Variants in RBMS1 observed in about 807,000 individuals in gnomAD.
RBMS1 encodes the protein RNA binding motif single stranded interacting protein 1.
Under a neutral mutation model 62.3 loss-of-function variants are expected in RBMS1, and 17 were observed. That is an observed-to-expected ratio of 0.27 (90% confidence interval 0.19 to 0.41). The LOEUF is 0.41. RBMS1 is among the 10% of genes least tolerant of loss of function. The probability of loss-of-function intolerance (pLI) is 1.00; values close to 1 mark genes in which losing one functional copy is unlikely to be tolerated. For synonymous variants in RBMS1, 172 were observed against 170.0 expected (o/e 1.01, Z -0.09); for missense variants, 334 against 504.5 (o/e 0.66, Z 3.24).
chr2:160,433,832 A>C (rs563370792), intron 1 of RBMS1, among the ~76,000 whole-genome samples: 1 of 152,364 alleles, frequency 6.6e-6, no homozygotes, highest in African/African-American at 2.4e-5. Context: ...TTTAATATCA[A>C]TCTTTCAACA....
Position 160,286,412 on chromosome 2 carries a change from C to T in RBMS1, c.756+557G>A, listed in dbSNP as rs932990870. On this transcript the variant is annotated intron_variant, in intron 7 of 13. Transcript: ENST00000348849. ...TTGGAACACTGCAGCCTCTGCCTCC[C>T]GGGCTGCAGCGATTCTCCTGCCTCA... Among the ~76,000 whole-genome samples the T allele has an allele frequency of 4.0e-5, 6 of 150,618 alleles. 1 individual carries two copies. Among genetic ancestry groups the T allele is most frequent in the Admixed American group, 2.0e-4 (3 of 15,164 alleles).
intron 2 of RBMS1, among the ~76,000 whole-genome samples, chr2:160,337,022 G>GGT (rs1691609996): frequency 6.6e-6 from 1 of 152,030 alleles, no homozygotes; most frequent in Non-Finnish European, 1.5e-5. Context: ...TCTAACCCTG[G>GGT]GTCTCAGGGA....
chr2:160,341,383 C>A (rs1212189080), intron 2 of RBMS1, among the ~76,000 whole-genome samples: 3 of 152,094 alleles, frequency 2.0e-5, no homozygotes, highest in Non-Finnish European at 4.4e-5. Flanking sequence ...TCTCACTGTT[C>A]CTGCAGGGTG....
chr2:160,326,938 A>T (rs55853206), intron 2 of RBMS1, among the ~76,000 whole-genome samples: 53,896 of 152,030 alleles, frequency 0.35, 9,811 homozygotes, highest in East Asian at 0.53. Context: ...CACAAAGTTC[A>T]CTTTTCTGAA....
chr2:160,412,707 G>GGCGTGGGAAGCTC (rs1696081329), intron 1 of RBMS1, among the ~76,000 whole-genome samples: 1 of 152,220 alleles, frequency 6.6e-6, no homozygotes, highest in Non-Finnish European at 1.5e-5. Flanking sequence ...ATCAATATTG[G>GGCGTGGGAAGCTC]ATATAACATG....
rs1289147644 is a variant in RBMS1 at position 160,273,964 on chromosome 2, CATT to C, written c.*805_*807del. The C allele has an allele frequency of 1.3e-5, 2 of 152,650 alleles. No homozygotes were observed. The highest frequency in any genetic ancestry group is 2.9e-5 in the Non-Finnish European group (2 of 68,026). The allele number at this position is 152,650 out of a possible 1,614,324, so 9.5% of individuals were successfully genotyped here. On this transcript the variant is annotated 3_prime_UTR_variant, in exon 14 of 14. Coordinates refer to ENST00000348849, the MANE Select transcript of RBMS1 (RefSeq NM_016836.4). Reference sequence around the variant, plus strand: ...CCTTCTTGCATTTCACTACCTTACACATTATGTGAAAAATCATTAAAAACACCT... The same window carrying C: ...CCTTCTTGCATTTCACTACCTTACACATGTGAAAAATCATTAAAAACACCT...
intron 1 of RBMS1, among the ~76,000 whole-genome samples, chr2:160,491,344 T>C (rs1000085419): frequency 6.6e-6 from 1 of 152,234 alleles, no homozygotes; most frequent in Non-Finnish European, 1.5e-5. Flanking sequence ...ATTGTAGAAT[T>C]AGCAAAATGT....
At chr2:160,330,377 A>C (rs2105982496) in intron 2 of RBMS1, among the ~76,000 whole-genome samples, 1 of 152,290 alleles carries the variant, frequency 6.6e-6, no homozygotes, top group South Asian at 2.1e-4. Context: ...ACAATGACAT[A>C]AATCAGGTCA....
Position 160,493,402 on chromosome 2 carries a change from CTT to C in RBMS1, c.-41_-40del, listed in dbSNP as rs764393230. On this transcript the variant is annotated 5_prime_UTR_variant, in exon 1 of 14. Transcript: ENST00000348849. ...AGCCTGCCGTGCAGGGTCGCGGACA[CTT>C]TGGGGTTTCCAAGTCTCGGGCTCTC... is the stretch of plus-strand genomic sequence containing the variant. 2.9e-5 allele frequency: 46 copies of C among 1,601,074 alleles called. No homozygotes were observed. In the Admixed American group the frequency reaches 7.5e-4, roughly 26 times the overall value.
At chr2:160,408,158 C>G (rs1422271876) in intron 1 of RBMS1, among the ~76,000 whole-genome samples, 1 of 151,642 alleles carries the variant, frequency 6.6e-6, no homozygotes, top group Non-Finnish European at 1.5e-5. Context: ...AGTAGCCAAC[C>G]CCCCTCCTCT....
intron 1 of RBMS1, among the ~76,000 whole-genome samples, chr2:160,410,779 C>T (rs1284239735): frequency 6.6e-6 from 1 of 152,144 alleles, no homozygotes; most frequent in Non-Finnish European, 1.5e-5. Flanking sequence ...AAGTCTCGCT[C>T]TGTTACCAGG....
At chr2:160,475,089 T>C (rs1253241830) in intron 1 of RBMS1, among the ~76,000 whole-genome samples, 3 of 152,250 alleles carry the variant, frequency 2.0e-5, no homozygotes, top group South Asian at 2.1e-4. Context: ...AAAAATGCTA[T>C]GGTAGGCACT....
rs547458091 is a variant in RBMS1 at position 160,438,278 on chromosome 2, T to A, written c.75+55011A>T. On this transcript the variant is annotated intron_variant, in intron 1 of 13. Coordinates refer to ENST00000348849, the MANE Select transcript of RBMS1 (RefSeq NM_016836.4). ...AATACTTTCTTTTTTTTTTTTTTTTTATTGATCATTCTTGGGTGTTTCTCG... is the reference window on the plus strand; with the variant it reads ...AATACTTTCTTTTTTTTTTTTTTTTAATTGATCATTCTTGGGTGTTTCTCG... 2.9e-4 allele frequency among the ~76,000 whole-genome samples: 41 copies of A among 142,502 alleles called. 1 individual carries two copies. Among genetic ancestry groups the A allele is most frequent in the East Asian group, 6.2e-4 (3 of 4,852 alleles). The allele number at this position is 142,502 out of a possible 152,430, so 93.5% of individuals were successfully genotyped here. A position where few individuals can be genotyped will look rare whatever the true frequency, so the allele number is the denominator to read the frequency against.
intron 2 of RBMS1, among the ~76,000 whole-genome samples, chr2:160,323,349 G>T (rs535431405): frequency 6.6e-6 from 1 of 151,940 alleles, no homozygotes; most frequent in East Asian, 1.9e-4. Flanking sequence ...GGTGGTGCAC[G>T]CCTGTAGTCC....
At chr2:160,320,821 C>A (rs565667599) in intron 2 of RBMS1, among the ~76,000 whole-genome samples, 1 of 152,182 alleles carries the variant, frequency 6.6e-6, no homozygotes, top group Non-Finnish European at 1.5e-5. Context: ...CATAAGTATT[C>A]CTTTACAGGA....
chr2:160,281,595 G>C, intron 9 of RBMS1: 1 of 411,646 alleles, frequency 2.4e-6, no homozygotes, highest in Non-Finnish European at 4.4e-6. Flanking sequence ...AGAAGTAATT[G>C]TTGAGTATCA....
At chr2:160,448,256 C>T (rs557525008) in intron 1 of RBMS1, among the ~76,000 whole-genome samples, 4 of 152,148 alleles carry the variant, frequency 2.6e-5, no homozygotes, top group Admixed American at 2.0e-4. Flanking sequence ...CACCTGACTA[C>T]TTGGGGATTT....
chr2:160,282,466 T>C, intron 9 of RBMS1: 1 of 468,022 alleles, frequency 2.1e-6, no homozygotes, highest in Non-Finnish European at 4.1e-6. Context: ...CACTCCAACA[T>C]GAGTGCAGGG....
intron 1 of RBMS1, among the ~76,000 whole-genome samples, chr2:160,418,498 TAAC>T (rs1249154872): frequency 6.6e-6 from 1 of 152,170 alleles, no homozygotes; most frequent in African/African-American, 2.4e-5. Context: ...TCAAAAGCAA[TAAC>T]AACAGTTAAG....
Sources: allele counts gnomAD v4.1 joint callset (sites outside exome capture counted in the v4.1 genomes callset), GRCh38; gene constraint gnomAD v4.1.1; transcripts MANE v1.5; gene names NCBI Gene and HGNC (gene_info 2026-07-23, HGNC 2026-07-21).